Variants in SLC44A5 observed in about 807,000 individuals in gnomAD.
SLC44A5 encodes the protein solute carrier family 44 member 5.
SLC44A5 carries 57 observed loss-of-function variants against 101.8 expected under a neutral mutation model. That is an observed-to-expected ratio of 0.56 (90% CI 0.45 to 0.70). The LOEUF (loss-of-function observed/expected upper bound fraction) is 0.70, where lower values mean the gene tolerates loss of function less well. SLC44A5 is among the 30% of genes least tolerant of loss of function. The pLI is 0.00. For synonymous variants in SLC44A5, 281 were observed against 290.9 expected (o/e 0.97, Z 0.35); for missense variants, 737 against 853.1 (o/e 0.86, Z 1.70).
the SLC44A5 span, among the ~76,000 whole-genome samples, chr1:75,703,283 G>T: frequency 2.6e-5 from 4 of 151,896 alleles, no homozygotes; most frequent in Non-Finnish European, 4.4e-5. Flanking sequence ...ATGATAGACT[G>T]GATTAAGAAA....
At chr1:75,350,719 C>G (rs983077948) in intron 3 of SLC44A5, among the ~76,000 whole-genome samples, 1 of 151,194 alleles carries the variant, frequency 6.6e-6, no homozygotes, top group Non-Finnish European at 1.5e-5. Context: ...ATGGTGAAAC[C>G]CTGTCTTTAC....
intron 3 of SLC44A5, among the ~76,000 whole-genome samples, chr1:75,378,576 C>T (rs200601133): frequency 0.19 from 9,287 of 47,670 alleles, 212 homozygotes; most frequent in East Asian, 0.26. Context: ...CAGAAAGAAA[C>T]GGAAAGTTTA....
the SLC44A5 span, among the ~76,000 whole-genome samples, chr1:75,666,619 G>A: frequency 6.8e-4 from 104 of 152,110 alleles, no homozygotes; most frequent in Non-Finnish European, 1.1e-3. Flanking sequence ...TACCAAAACT[G>A]GGCAGAGACA....
At chr1:75,527,731 C>A (rs1447803317) in intron 2 of SLC44A5, among the ~76,000 whole-genome samples, 5 of 151,080 alleles carry the variant, frequency 3.3e-5, no homozygotes, top group Non-Finnish European at 5.9e-5. Context: ...AAAAAAAAAT[C>A]ATTTAATTTT....
At chr1:75,489,005 TG>T (rs1177398278) in intron 2 of SLC44A5, among the ~76,000 whole-genome samples, 1 of 152,104 alleles carries the variant, frequency 6.6e-6, no homozygotes, top group African/African-American at 2.4e-5. Flanking sequence ...TACACCACCA[TG>T]CCTGGCTAAT....
intron 4 of SLC44A5, among the ~76,000 whole-genome samples, chr1:75,339,375 T>A (rs914594557): frequency 3.3e-5 from 5 of 152,200 alleles, no homozygotes; most frequent in Non-Finnish European, 5.9e-5. Flanking sequence ...GTTCATTTGC[T>A]AATGGGAGAA....
intron 2 of SLC44A5, among the ~76,000 whole-genome samples, chr1:75,435,540 A>T (rs1207129529): frequency 6.6e-6 from 1 of 152,190 alleles, no homozygotes; most frequent in Admixed American, 6.5e-5. Flanking sequence ...TCCACACCTC[A>T]TATAATGACT....
At chr1:75,222,241 C>A in intron 14 of SLC44A5, 120 bp downstream of exon 14, 1 of 732,544 alleles carries the variant, frequency 1.4e-6, no homozygotes, top group South Asian at 1.7e-5. Context: ...CAGGTGTGAA[C>A]CACCGCGCCC....
At position 75,543,575 on chromosome 1, in the gene SLC44A5, C is replaced by CTATATATATATATAAATAAA. The variant is rs1553201150; in HGVS notation, c.-69-2079_-69-2060dup. ...AATTCCAGTGAGGCTAGAAAAGTTC[C>CTATATATATATATAAATAAA]TATATATATATATAAATAAATATAT... On this transcript the variant is annotated intron_variant, in intron 1 of 23. Transcript: ENST00000370859. Among the ~76,000 whole-genome samples, 454 of 129,500 alleles carry CTATATATATATATAAATAAA rather than the reference C, an allele frequency of 3.5e-3. 5 individuals are homozygous for CTATATATATATATAAATAAA. Among genetic ancestry groups the CTATATATATATATAAATAAA allele is most frequent in the Middle Eastern group, 0.031 (8 of 258 alleles). The allele number at this position is 129,500 out of a possible 152,430, so 85.0% of individuals were successfully genotyped here.
chr1:75,707,343 C>G, the SLC44A5 span, among the ~76,000 whole-genome samples: 1 of 152,286 alleles, frequency 6.6e-6, no homozygotes, highest in East Asian at 1.9e-4. Context: ...TGCCAAAAAC[C>G]TGGAGTCAAC....
At chr1:75,717,655 TG>T in the SLC44A5 span, among the ~76,000 whole-genome samples, 1 of 152,164 alleles carries the variant, frequency 6.6e-6, no homozygotes, top group Non-Finnish European at 1.5e-5. Flanking sequence ...TGTATATTGA[TG>T]GGGGTGAAAC....
At chr1:75,648,648 G>GT in the SLC44A5 span, among the ~76,000 whole-genome samples, 3 of 151,864 alleles carry the variant, frequency 2.0e-5, no homozygotes, top group African/African-American at 2.4e-5. Context: ...TGCTTCTGAT[G>GT]TTTTTTCCAA....
chr1:75,616,919 G>T, the SLC44A5 span, among the ~76,000 whole-genome samples: 42 of 152,302 alleles, frequency 2.8e-4, 1 homozygote, highest in Admixed American at 5.9e-4. Flanking sequence ...CAGAAACTTG[G>T]TTACAGTGGC....
intron 2 of SLC44A5, among the ~76,000 whole-genome samples, chr1:75,486,601 T>TA (rs967032853): frequency 6.6e-6 from 1 of 152,278 alleles, no homozygotes. Flanking sequence ...TTTTAACTGT[T>TA]AAAAAAACTT....
chr1:75,448,290 G>A (rs892295641), intron 2 of SLC44A5, among the ~76,000 whole-genome samples: 2 of 152,178 alleles, frequency 1.3e-5, no homozygotes, highest in Non-Finnish European at 2.9e-5. Flanking sequence ...TGCATAGATG[G>A]AAACATGATC....
Position 75,222,383 on chromosome 1 carries a change from T to A in SLC44A5, c.1063A>T (p.Ile355Phe), listed in dbSNP as rs1461448493. 7 of 1,613,534 alleles carry A rather than the reference T, an allele frequency of 4.3e-6. No individual in the cohort carries two copies. The highest frequency in any genetic ancestry group is 1.7e-5 in the Admixed American group (1 of 60,002). ...TACTTGCTTCCTTCCTTCAGCAGGA[T>A]AATGGCGACTCGGATTCGATTCCTG... ...FLRNRIRVAI[I>F]LLKEGSKAIG... Residue 355 changes from isoleucine to phenylalanine, a missense_variant, in exon 14 of 24, where the codon ATC becomes TTC. By Grantham distance (21) the Ile-to-Phe change is conservative. Around this residue, in one of 3 missense-constraint regions of SLC44A5, gnomAD observed 665 missense variants for 764.4 expected, o/e 0.87. Coordinates refer to ENST00000370859, the MANE Select transcript of SLC44A5 (RefSeq NM_001130058.2).
chr1:75,208,222 G>C (rs1250574927), intron 23 of SLC44A5, among the ~76,000 whole-genome samples: 1 of 152,166 alleles, frequency 6.6e-6, no homozygotes, highest in Admixed American at 6.5e-5. Context: ...GCAGTGGCGT[G>C]ATCTCAGCTC....
chr1:75,540,260 T>C (rs1215783034), intron 2 of SLC44A5, among the ~76,000 whole-genome samples: 2 of 152,212 alleles, frequency 1.3e-5, no homozygotes, highest in Non-Finnish European at 2.9e-5. Context: ...TTGTTATTTT[T>C]TACAGATGCG....
At chr1:75,655,237 C>T in the SLC44A5 span, among the ~76,000 whole-genome samples, 1 of 152,254 alleles carries the variant, frequency 6.6e-6, no homozygotes, top group East Asian at 1.9e-4. Flanking sequence ...GTTCACCAAT[C>T]CCCCATGACA....
Sources: gnomAD v4.1 joint callset for allele counts (sites outside exome capture counted in the v4.1 genomes callset) on GRCh38, gnomAD v4.1.1 for gene constraint, gnomAD v4.1.1 regional missense constraint, MANE v1.5 for transcripts, NCBI Gene and HGNC (gene_info 2026-07-23, HGNC 2026-07-21) for gene names.